BRCA2: variants seen among roughly 807,000 people sequenced by gnomAD.
BRCA2 encodes the protein breast cancer type 2 susceptibility protein.
BRCA2 carries 203 observed loss-of-function variants against 276.7 expected under a neutral mutation model. That is an observed-to-expected ratio of 0.73 (90% confidence interval 0.65 to 0.82). The LOEUF is 0.82. BRCA2 is among the 40% of genes least tolerant of loss of function. The probability of loss-of-function intolerance (pLI) is 0.00; values close to 1 mark genes in which losing one functional copy is unlikely to be tolerated. For missense variants in BRCA2, 3,920 were observed against 3,915.0 expected, an observed-to-expected ratio of 1.00 and a Z score of -0.03; for synonymous variants, 1,289 against 1,338.4, an observed-to-expected ratio of 0.96 and a Z score of 0.81.
rs769460186 is a variant in BRCA2, at chr13:32,331,056, CA to C, written c.793+27del. ...GTAAGTCCTCTGTTTAGTTGAACTACAGGTTTTTTTGTTGTTGTTGTTTTGA... is the reference window on the plus strand; with the variant it reads ...GTAAGTCCTCTGTTTAGTTGAACTACGGTTTTTTTGTTGTTGTTGTTTTGA... On this transcript the variant is annotated intron_variant, in intron 9 of 26. Coordinates refer to ENST00000380152, the MANE Select transcript of BRCA2 (RefSeq NM_000059.4). 1.1e-5 allele frequency: 17 copies of C among 1,505,962 alleles called. No individual in the cohort carries two copies. The South Asian group carries it at 1.8e-4, about 16-fold the overall frequency. 93.3% of individuals were successfully genotyped at this position (1,505,962 alleles called of 1,614,324 possible). A position where few individuals can be genotyped will look rare whatever the true frequency, so the allele number is the denominator to read the frequency against.
rs1555283051 is a variant in BRCA2, at chr13:32,337,452, GAT to G, written c.3100_3101del (p.Ile1034Ter). 2.5e-6 allele frequency: 4 copies of G among 1,612,086 alleles called. No homozygotes were observed. In the Admixed American group the frequency reaches 6.7e-5, roughly 27 times the overall value. Reference sequence around the variant, plus strand: ...TAAGAAGAGCAAAATGTTCTTCAAAGATATTGAAGAACAATATCCTACTAGTT... The same window carrying G: ...TAAGAAGAGCAAAATGTTCTTCAAAGATTGAAGAACAATATCCTACTAGTT... ...NIKKSKMFFK[D>X]IEEQYPTSLA... is the part of the protein sequence containing the mutation. On this transcript the variant is annotated frameshift_variant, in exon 11 of 27. Coordinates refer to ENST00000380152, the MANE Select transcript of BRCA2 (RefSeq NM_000059.4). LOFTEE classifies it high-confidence loss of function.
rs2137509875 is a variant in BRCA2, at chr13:32,339,110, C to T, written c.4755C>T (p.Ile1585=). The T allele has an allele frequency of 6.2e-7, 1 of 1,613,944 alleles. No homozygotes were observed. The highest frequency in any genetic ancestry group is 8.5e-7 in the Non-Finnish European group (1 of 1,179,918). ...AATTAGCATGTGAGACCATTGAGAT[C>T]ACAGCTGCCCCAAAGTGTAAAGAAA... ...DLELACETIE[I]TAAPKCKEMQ... The change falls in exon 11 of 27, where the codon ATC becomes ATT. Residue 1585 remains isoleucine, a synonymous_variant. Transcript: ENST00000380152.
intron 24 of BRCA2, chr13:32,385,132 G>A: frequency 4.2e-6 from 1 of 236,188 alleles, no homozygotes; most frequent in South Asian, 1.2e-4. Context: ...GAAGAATTAT[G>A]AACAGGCCAA....
intron 25 of BRCA2, 86 bp downstream of exon 25, chr13:32,395,019 T>C (rs1170677254): frequency 7.6e-6 from 12 of 1,568,842 alleles, no homozygotes; most frequent in South Asian, 3.4e-5. Context: ...TTTATACAAA[T>C]TGGATAGTTG....
chr13:32,370,528 G>A lies in BRCA2; in HGVS notation c.8458G>A (p.Val2820Ile), dbSNP rs80359095. 2 of 1,613,782 alleles carry A rather than the reference G, an allele frequency of 1.2e-6. No individual in the cohort carries two copies. Among genetic ancestry groups the A allele is most frequent in the Non-Finnish European group, 1.7e-6 (2 of 1,179,708 alleles). Reference sequence around the variant, plus strand: ...TGGAGGAAATGTTGGTTGTGTTGATGTAATTATTCAAAGAGCATACCCTAT... The same window carrying A: ...TGGAGGAAATGTTGGTTGTGTTGATATAATTATTCAAAGAGCATACCCTAT... Reference protein sequence around the residue: ...SDGGNVGCVDVIIQRAYPIQW... With the variant: ...SDGGNVGCVDIIIQRAYPIQW... The change falls in exon 19 of 27, where the codon GTA (valine) becomes ATA (isoleucine). Residue 2820 changes from valine (V) to isoleucine (I), a missense_variant. Val to Ile is a conservative substitution (Grantham distance 29). Transcript: ENST00000380152.
At position 32,398,850 on chromosome 13, in the gene BRCA2, A is replaced by G; in HGVS notation, c.*80A>G. The G allele has an allele frequency of 6.0e-6, 9 of 1,507,240 alleles. No individual in the cohort carries two copies. The highest frequency in any genetic ancestry group is 8.1e-6 in the Non-Finnish European group (9 of 1,112,010). The allele number at this position is 1,507,240 out of a possible 1,614,324, so 93.4% of individuals were successfully genotyped here. A position where few individuals can be genotyped will look rare whatever the true frequency, so the allele number is the denominator to read the frequency against. ...ACTGGAATATAATTTCAAACCACAC[A>G]TTAGTACTTATGTTGCACAATGAGA... On this transcript the variant is annotated 3_prime_UTR_variant, in exon 27 of 27. Transcript: ENST00000380152.
intron 7 of BRCA2, among the ~76,000 whole-genome samples, chr13:32,328,245 GT>G (rs1173083833): frequency 5.8e-4 from 81 of 139,350 alleles, no homozygotes; most frequent in East Asian, 2.1e-3. Context: ...TTTCTTTTTC[GT>G]TTTTTTTTTT....
In BRCA2 at chr13:32,360,605, TC is replaced by T. The variant is rs377427872; in HGVS notation, c.7806-1916del. On this transcript the variant is annotated intron_variant, in intron 16 of 26. Transcript: ENST00000380152. ...AAACTCCTGACCTCAGGATCCACCCTCCTCGGCCTCCCAAAGTGCTGGAATT... is the reference window on the plus strand; with the variant it reads ...AAACTCCTGACCTCAGGATCCACCCTCTCGGCCTCCCAAAGTGCTGGAATT... Among the ~76,000 whole-genome samples, 15 of 152,180 alleles carry T rather than the reference TC, an allele frequency of 9.9e-5. No individual in the cohort carries two copies. In the East Asian group the frequency reaches 2.9e-3, roughly 29 times the overall value.
chr13:32,344,362 A>G (rs1265183370), intron 11 of BRCA2, among the ~76,000 whole-genome samples, 196 bp from the exon 12 acceptor site: 1 of 152,098 alleles, frequency 6.6e-6, no homozygotes, highest in Non-Finnish European at 1.5e-5. Context: ...TAAAGTGGTC[A>G]AAACAGAACA....
At chr13:32,341,250 A>T (rs2137531326) in intron 11 of BRCA2, 54 bp downstream of exon 11, 4 of 1,607,612 alleles carry the variant, frequency 2.5e-6, no homozygotes, top group Non-Finnish European at 2.6e-6. Flanking sequence ...TAAAGTGTTT[A>T]TTCAGTAGAC....
intron 18 of BRCA2, among the ~76,000 whole-genome samples, chr13:32,369,555 A>G (rs1292816973): frequency 6.6e-6 from 1 of 152,114 alleles, no homozygotes; most frequent in Non-Finnish European, 1.5e-5. Flanking sequence ...ATGAGTCTTC[A>G]GATTATTGTG....
Position 32,363,238 on chromosome 13 carries a change from A to G in BRCA2, c.8036A>G (p.Asp2679Gly), listed in dbSNP as rs80359041. The change falls in exon 18 of 27, where the codon GAT (aspartate) becomes GGT (glycine). Residue 2679 changes from aspartate (D) to glycine (G), a missense_variant. By Grantham distance (94) the Asp-to-Gly change is moderately conservative. This residue lies in a region of BRCA2 where 3,263 missense variants were observed against 3,156.9 expected (regional missense o/e 1.03). Coordinates refer to ENST00000380152, the MANE Select transcript of BRCA2 (RefSeq NM_000059.4). ...RSAIKKIMER[D>G]DTAAKTLVLC... ...GCTATAAAAAAGATAATGGAAAGGG[A>G]TGACACAGCTGCAAAAACACTTGTT... 16 of 1,613,960 alleles carry G rather than the reference A, an allele frequency of 9.9e-6. No individual in the cohort carries two copies. In the Admixed American group the frequency reaches 2.2e-4, roughly 22 times the overall value.
intron 13 of BRCA2, among the ~76,000 whole-genome samples, chr13:32,350,521 G>A (rs1045612770): frequency 1.3e-4 from 20 of 152,116 alleles, no homozygotes; most frequent in African/African-American, 3.9e-4. Context: ...AGGCCGAGGC[G>A]GGTGGATCAC....
intron 16 of BRCA2, among the ~76,000 whole-genome samples, chr13:32,361,600 G>A (rs2072737984): frequency 6.6e-6 from 1 of 152,208 alleles, no homozygotes; most frequent in Non-Finnish European, 1.5e-5. Flanking sequence ...ATGCAGGAGA[G>A]AGAGGAGGCA....
intron 24 of BRCA2, chr13:32,385,981 C>T: frequency 5.9e-6 from 1 of 170,094 alleles, no homozygotes; most frequent in South Asian, 1.6e-4. Context: ...ATGCGTTAGA[C>T]CTGGAAAGCT....
At chr13:32,375,232 G>A (rs568886348) in intron 20 of BRCA2, 46 of 332,914 alleles carry the variant, frequency 1.4e-4, no homozygotes, top group Admixed American at 9.5e-4. Context: ...GAGCCAAATC[G>A]TATGAAGCTC....
intron 3 of BRCA2, among the ~76,000 whole-genome samples, chr13:32,320,540 G>A (rs983191988): frequency 4.6e-5 from 7 of 151,982 alleles, no homozygotes; most frequent in South Asian, 2.1e-4. Context: ...GCTAATTTGC[G>A]TGCTCGTCTT....
In BRCA2 at chr13:32,338,217, A is replaced by T; in HGVS notation, c.3862A>T (p.Asn1288Tyr). ...HNDKTVSEKNNKCQLILQNNI... is the reference protein window; with the variant it reads ...HNDKTVSEKNYKCQLILQNNI... ...TGATAAAACTGTAAGTGAAAAAAAT[A>T]ATAAATGCCAACTGATATTACAAAA... The change falls in exon 11 of 27, where the codon AAT (asparagine) becomes TAT (tyrosine). Residue 1288 changes from asparagine to tyrosine, a missense_variant. By Grantham distance (143) the Asn-to-Tyr change is moderately radical (BLOSUM62 -2). Transcript: ENST00000380152. The T allele has an allele frequency of 6.5e-7, 1 of 1,541,498 alleles. No individual in the cohort carries two copies. The highest frequency in any genetic ancestry group is 8.8e-7 in the Non-Finnish European group (1 of 1,142,032).
Position 32,337,880 on chromosome 13 carries a change from G to A in BRCA2, c.3525G>A (p.Gln1175=), listed in dbSNP as rs876658812. Reference sequence around the variant, plus strand: ...TAATGAATGCCCCATCGATTGGTCAGGTAGACAGCAGCAAGCAATTTGAAG... The same window carrying A: ...TAATGAATGCCCCATCGATTGGTCAAGTAGACAGCAGCAAGCAATTTGAAG... The part of the protein sequence containing the change: ...HVIMNAPSIG[Q]VDSSKQFEGT... The change falls in exon 11 of 27, where the codon CAG becomes CAA. Residue 1175 remains glutamine, a synonymous_variant. Transcript: ENST00000380152. 2 of 1,614,092 alleles carry A rather than the reference G, an allele frequency of 1.2e-6. No individual in the cohort carries two copies. Among genetic ancestry groups the A allele is most frequent in the Admixed American group, 3.3e-5 (2 of 60,028 alleles).
Sources: gnomAD v4.1 joint callset for allele counts (sites outside exome capture counted in the v4.1 genomes callset) on GRCh38, gnomAD v4.1.1 for gene constraint, gnomAD v4.1.1 regional missense constraint, MANE v1.5 for transcripts, NCBI Gene and HGNC (gene_info 2026-07-23, HGNC 2026-07-21) for gene names.